NTN5: variants seen among roughly 807,000 people sequenced by gnomAD.
The protein encoded by NTN5 is netrin-5.
NTN5 carries 42 observed loss-of-function variants against 38.7 expected under a neutral mutation model. The observed-to-expected ratio is 1.08, with a 90% CI of 0.85 to 1.40. The LOEUF is 1.40. NTN5 is among the 40% of genes most tolerant of loss of function. The pLI is 0.00. For missense variants in NTN5, 658 were observed against 716.5 expected (o/e 0.92, Z 0.93); for synonymous variants, 329 against 303.9 (o/e 1.08, Z -0.86).
At chr19:48,672,722 T>C (rs1443977838) in intron 1 of NTN5, among the ~76,000 whole-genome samples, 1 of 151,888 alleles carries the variant, frequency 6.6e-6, no homozygotes, top group African/African-American at 2.4e-5. Flanking sequence ...AGGCTGTGAG[T>C]TCCCTAGTGT....
chr19:48,662,307 T>TGC (rs200130995), intron 6 of NTN5, among the ~76,000 whole-genome samples: 5,998 of 151,876 alleles, frequency 0.039, 382 homozygotes, highest in African/African-American at 0.14. Context: ...CCAGGGTCTC[T>TGC]AATGCAGTGG....
intron 1 of NTN5, 107 bp from the exon 2 acceptor site, chr19:48,671,113 C>T: frequency 1.4e-6 from 1 of 727,278 alleles, no homozygotes; most frequent in Non-Finnish European, 2.1e-6. Context: ...CGTCCAGGCC[C>T]CCTCCCCGGC....
chr19:48,672,562 G>A (rs924096488), intron 1 of NTN5, among the ~76,000 whole-genome samples: 2 of 152,182 alleles, frequency 1.3e-5, no homozygotes, highest in African/African-American at 4.8e-5. Flanking sequence ...GGAGCCTGGC[G>A]CCATTTTGCA....
chr19:48,663,464 A>G lies in NTN5; in HGVS notation c.1104T>C (p.His368=), dbSNP rs750300522. 1 of 1,613,366 alleles carries G rather than the reference A, an allele frequency of 6.2e-7. No homozygotes were observed. The highest frequency in any genetic ancestry group is 8.5e-7 in the Non-Finnish European group (1 of 1,179,314). The change falls in exon 6 of 7, where the codon CAT becomes CAC. Residue 368 remains histidine, a splice_region_variant and synonymous_variant. Transcript: ENST00000270235. ...MSLRRYCQQD[H]VLRAQVLASE... ...GCTGTCTGTCTCCCCAGCACTCACC[A>G]TGGTCCTGCTGGCAGTACCTCCGAA... is the stretch of plus-strand genomic sequence containing the variant.
rs2031633217 is a variant in NTN5, at chr19:48,664,295, A to G, written c.821-3T>C. The G allele has an allele frequency of 6.2e-7, 1 of 1,612,302 alleles. No individual in the cohort carries two copies. Among genetic ancestry groups the G allele is most frequent in the Non-Finnish European group, 8.5e-7 (1 of 1,179,300 alleles). Reference sequence around the variant, plus strand: ...CCCAATAGGGTGGCACTGGCAGGCTACATGAGCAGAGGAGCTGGGGGCATG... The same window carrying G: ...CCCAATAGGGTGGCACTGGCAGGCTGCATGAGCAGAGGAGCTGGGGGCATG... On this transcript the variant is annotated splice_region_variant and splice_polypyrimidine_tract_variant and intron_variant, in intron 3 of 6. Coordinates refer to ENST00000270235, the MANE Select transcript of NTN5 (RefSeq NM_145807.4).
chr19:48,664,788 G>A, intron 2 of NTN5, 21 bp from the exon 3 acceptor site: 1 of 1,507,912 alleles, frequency 6.6e-7, no homozygotes, highest in Non-Finnish European at 8.9e-7. Context: ...AATGGGGTGG[G>A]GGCGCATCAG....
intron 4 of NTN5, 50 bp downstream of exon 4, chr19:48,664,093 G>T: frequency 6.5e-7 from 1 of 1,549,302 alleles, no homozygotes; most frequent in Non-Finnish European, 8.7e-7. Context: ...GACCTGGGAT[G>T]TCTCCTTCCC....
At chr19:48,671,120 CG>C (rs2031952771) in intron 1 of NTN5, 114 bp from the exon 2 acceptor site, 2 of 680,278 alleles carry the variant, frequency 2.9e-6, no homozygotes, top group Admixed American at 7.0e-5. Context: ...GCCCCCTCCC[CG>C]GCTGCATGGA....
chr19:48,663,701 C>T (rs773148197), intron 5 of NTN5, 60 bp downstream of exon 5: 32 of 1,562,720 alleles, frequency 2.0e-5, no homozygotes, highest in African/African-American at 2.7e-5. Context: ...TCTGGGGACC[C>T]AGTCAGCCCA....
In NTN5 at chr19:48,671,020, A is replaced by G. The variant is rs963031705; in HGVS notation, c.-20-14T>C. 6 of 1,479,796 alleles carry G rather than the reference A, an allele frequency of 4.1e-6. No individual in the cohort carries two copies. The highest frequency in any genetic ancestry group is 5.4e-6 in the Non-Finnish European group (6 of 1,114,350). 91.7% of individuals were successfully genotyped at this position (1,479,796 alleles called of 1,614,324 possible). On this transcript the variant is annotated splice_polypyrimidine_tract_variant and intron_variant, in intron 1 of 6. Coordinates refer to ENST00000270235, the MANE Select transcript of NTN5 (RefSeq NM_145807.4). ...CAGAGCCAGCACCTGGAGGGAAGAG[A>G]GGTGGCTGGGCTGGGGATCTCAGCC...
chr19:48,668,941 C>T (rs2031774803), intron 2 of NTN5, among the ~76,000 whole-genome samples: 1 of 151,716 alleles, frequency 6.6e-6, no homozygotes, highest in African/African-American at 2.4e-5. Flanking sequence ...ATCATCATCA[C>T]CACCACCATC....
chr19:48,661,670 C>G lies in NTN5; in HGVS notation c.*7G>C. On this transcript the variant is annotated 3_prime_UTR_variant, in exon 7 of 7. Transcript: ENST00000270235. Reference sequence around the variant, plus strand: ...TTGTTGGTGCTCGAGGCAGCCCCATCTCACGTCTAGTGCTCCGGCCTGGGA... The same window carrying G: ...TTGTTGGTGCTCGAGGCAGCCCCATGTCACGTCTAGTGCTCCGGCCTGGGA... The G allele has an allele frequency of 1.3e-6, 2 of 1,535,136 alleles. No individual in the cohort carries two copies. Among genetic ancestry groups the G allele is most frequent in the Non-Finnish European group, 1.7e-6 (2 of 1,152,292 alleles).
intron 6 of NTN5, chr19:48,663,046 A>C: frequency 2.7e-6 from 1 of 372,534 alleles, no homozygotes; most frequent in Non-Finnish European, 5.4e-6. Flanking sequence ...ACTGGGGATT[A>C]GGGAACCGTG....
chr19:48,664,512 C>T, intron 3 of NTN5, 67 bp downstream of exon 3: 1 of 1,465,222 alleles, frequency 6.8e-7, no homozygotes, highest in Non-Finnish European at 9.1e-7. Flanking sequence ...CCAGCCCCTC[C>T]TCCCTCAGCC....
Position 48,663,544 on chromosome 19 carries a change from C to G in NTN5, c.1025-1G>C, listed in dbSNP as rs758408718. The G allele has an allele frequency of 1.1e-5, 18 of 1,614,024 alleles. No homozygotes were observed. In the Admixed American group the frequency reaches 2.5e-4, roughly 22 times the overall value. On this transcript the variant is annotated splice_acceptor_variant, in intron 5 of 6. Coordinates refer to ENST00000270235, the MANE Select transcript of NTN5 (RefSeq NM_145807.4). LOFTEE classifies it high-confidence loss of function. Reference sequence around the variant, plus strand: ...TTGCAGTAGTTTTGACACTGAGGGTCTGGGGAGGGTCAGGCTGTCTGCAGT... The same window carrying G: ...TTGCAGTAGTTTTGACACTGAGGGTGTGGGGAGGGTCAGGCTGTCTGCAGT...
rs1397422718 is a variant in NTN5, at chr19:48,670,706, G to A, written c.281C>T (p.Ala94Val). 7 of 1,611,894 alleles carry A rather than the reference G, an allele frequency of 4.3e-6. No homozygotes were observed. Among genetic ancestry groups the A allele is most frequent in the Non-Finnish European group, 5.9e-6 (7 of 1,179,508 alleles). ...CCAGGGACCCCCTGAGGCCCAGGCAGCAGACAGGATGAGGGCTGGGGGTCC... is the reference window on the plus strand; with the variant it reads ...CCAGGGACCCCCTGAGGCCCAGGCAACAGACAGGATGAGGGCTGGGGGTCC... ...TPGPPALILS[A>V]AWASGGPWRL... The change falls in exon 2 of 7, where the codon GCT (alanine) becomes GTT (valine). Residue 94 changes from alanine (A) to valine (V), a missense_variant. Physicochemically the swap from Ala to Val is moderately conservative, Grantham distance 64. Coordinates refer to ENST00000270235, the MANE Select transcript of NTN5 (RefSeq NM_145807.4).
At position 48,662,131 on chromosome 19, in the gene NTN5, C is replaced by T. The variant is rs555523218; in HGVS notation, c.1106-90G>A. ...GGGTCAGTCACAGTGGGCAGGAGCC[C>T]GAGACCGGTGGGTGGGCTTCTGGTA... On this transcript the variant is annotated intron_variant, in intron 6 of 6. Coordinates refer to ENST00000270235, the MANE Select transcript of NTN5 (RefSeq NM_145807.4). 6.3e-6 allele frequency: 8 copies of T among 1,262,752 alleles called. No individual in the cohort carries two copies. The South Asian group carries it at 9.5e-5, about 15-fold the overall frequency. 78.2% of individuals were successfully genotyped at this position (1,262,752 alleles called of 1,614,324 possible). A position where few individuals can be genotyped will look rare whatever the true frequency, so the allele number is the denominator to read the frequency against.
At chr19:48,662,175 C>G (rs1482591740) in intron 6 of NTN5, 134 bp from the exon 7 acceptor site, 2 of 964,108 alleles carry the variant, frequency 2.1e-6, no homozygotes, top group Non-Finnish European at 2.8e-6. Context: ...GGGAGAGAAA[C>G]CTTGAACCTT....
Position 48,664,722 on chromosome 19 carries a change from TCA to T in NTN5, c.675_676del (p.Glu226AlafsTer14), listed in dbSNP as rs2031652040. ...CCGGCCGCCCGACAGTCTGAACAGC[TCA>T]GAGTTGAACCGGCAGCGTCGGGCGT... On this transcript the variant is annotated frameshift_variant, in exon 3 of 7. Transcript: ENST00000270235. LOFTEE classifies it high-confidence loss of function. The T allele has an allele frequency of 6.3e-7, 1 of 1,599,406 alleles. No individual in the cohort carries two copies. The highest frequency in any genetic ancestry group is 1.1e-5 in the South Asian group (1 of 89,100).
Sources: allele counts gnomAD v4.1 joint callset (sites outside exome capture counted in the v4.1 genomes callset), GRCh38; gene constraint gnomAD v4.1.1; transcripts MANE v1.5; gene names NCBI Gene and HGNC (gene_info 2026-07-23, HGNC 2026-07-21).